Variants in FAM120A observed in about 807,000 individuals in gnomAD.
The protein encoded by FAM120A is family with sequence similarity 120 member A.
In FAM120A, 15 loss-of-function variants were observed where a neutral mutation model predicts 109.7. The observed-to-expected ratio is 0.14, with a 90% CI of 0.09 to 0.21. The LOEUF (loss-of-function observed/expected upper bound fraction) is 0.21. Ranked by LOEUF, FAM120A falls within the 10% of genes least tolerant of loss-of-function variation. FAM120A has a pLI of 1.00. For synonymous variants in FAM120A, 493 were observed against 572.8 expected (o/e 0.86, Z 1.99); for missense variants, 899 against 1,439.3 (o/e 0.62, Z 6.07).
At position 93,505,847 on chromosome 9, in the gene FAM120A, A is replaced by G. The variant is rs940347601; in HGVS notation, c.1030+6961A>G. Among the ~76,000 whole-genome samples, 3 of 152,218 alleles carry G rather than the reference A, an allele frequency of 2.0e-5. 1 individual carries two copies. Among genetic ancestry groups the G allele is most frequent in the Admixed American group, 2.0e-4 (3 of 15,286 alleles). ...AAACACTTTGTCTTCTAAAAGTTTTATTTATGATTTTGCCCTTTGATACTA... is the reference window on the plus strand; with the variant it reads ...AAACACTTTGTCTTCTAAAAGTTTTGTTTATGATTTTGCCCTTTGATACTA... On this transcript the variant is annotated intron_variant, in intron 5 of 17. Transcript: ENST00000277165.
chr9:93,534,377 G>A (rs1240159669), intron 10 of FAM120A, among the ~76,000 whole-genome samples: 1 of 152,122 alleles, frequency 6.6e-6, no homozygotes, highest in African/African-American at 2.4e-5. Flanking sequence ...TCACAGGAAT[G>A]GAGCCATCCT....
At chr9:93,545,780 C>CTTTTTTTTTTTTTTTT (rs774150537) in intron 11 of FAM120A, among the ~76,000 whole-genome samples, 746 of 65,496 alleles carry the variant, frequency 0.011, 100 homozygotes, top group Non-Finnish European at 0.016. Context: ...GGAAAGACTC[C>CTTTTTTTTTTTTTTTT]TTTTTTTTTT....
chr9:93,506,442 G>A (rs1015794231), intron 5 of FAM120A, among the ~76,000 whole-genome samples: 15 of 152,024 alleles, frequency 9.9e-5, no homozygotes, highest in Non-Finnish European at 2.1e-4. Flanking sequence ...AATTAATACT[G>A]TAAGTTGATT....
chr9:93,462,129 A>T (rs1373101465), intron 1 of FAM120A, among the ~76,000 whole-genome samples: 1 of 152,234 alleles, frequency 6.6e-6, no homozygotes, highest in Non-Finnish European at 1.5e-5. Context: ...ACAAGTAGGA[A>T]GTTAATTTTG....
intron 10 of FAM120A, among the ~76,000 whole-genome samples, chr9:93,540,974 T>C (rs749418076): frequency 1.1e-4 from 17 of 152,096 alleles, no homozygotes; most frequent in Non-Finnish European, 2.4e-4. Context: ...TTAGTAAGAA[T>C]GCCTCTCTTT....
chr9:93,499,368 A>C (rs1270998601), intron 5 of FAM120A, among the ~76,000 whole-genome samples: 1 of 149,894 alleles, frequency 6.7e-6, no homozygotes, highest in South Asian at 2.1e-4. Flanking sequence ...GCTCACTGCA[A>C]CCTCTACCTC....
intron 2 of FAM120A, among the ~76,000 whole-genome samples, chr9:93,473,624 A>T (rs1183548872): frequency 6.6e-6 from 1 of 152,090 alleles, no homozygotes; most frequent in African/African-American, 2.4e-5. Context: ...ATAATTTTTT[A>T]TATGTTATTT....
intron 5 of FAM120A, among the ~76,000 whole-genome samples, chr9:93,502,785 T>G (rs1172521653): frequency 6.6e-6 from 1 of 152,250 alleles, no homozygotes; most frequent in Non-Finnish European, 1.5e-5. Flanking sequence ...GCTATAGCTC[T>G]CCACGAAATC....
At chr9:93,472,232 C>G (rs1274203519) in intron 2 of FAM120A, among the ~76,000 whole-genome samples, 1 of 151,868 alleles carries the variant, frequency 6.6e-6, no homozygotes, top group Non-Finnish European at 1.5e-5. Context: ...TGCACTCCAG[C>G]CTGGGAGACA....
Position 93,452,443 on chromosome 9 carries a change from C to G in FAM120A, c.474+54C>G, listed in dbSNP as rs776773791. 38 of 1,560,072 alleles carry G rather than the reference C, an allele frequency of 2.4e-5. No individual in the cohort carries two copies. The highest frequency in any genetic ancestry group is 3.2e-5 in the Non-Finnish European group (37 of 1,155,220). ...GACCGGGGCCGCGCCGCACCCCTAT[C>G]CCCCTTCCCAGGGCGCAGAATGTCG... On this transcript the variant is annotated intron_variant, in intron 1 of 17. Transcript: ENST00000277165. The surrounding 1 kb of genome is among the most constrained non-coding windows in gnomAD (Gnocchi z 7.0).
At chr9:93,490,510 G>A (rs1302196075) in intron 3 of FAM120A, among the ~76,000 whole-genome samples, 1 of 152,160 alleles carries the variant, frequency 6.6e-6, no homozygotes, top group Non-Finnish European at 1.5e-5. Flanking sequence ...GGATTTTATT[G>A]AATCATTTGA....
At chr9:93,464,882 A>G (rs948241319) in intron 1 of FAM120A, among the ~76,000 whole-genome samples, 3 of 152,240 alleles carry the variant, frequency 2.0e-5, no homozygotes, top group African/African-American at 7.2e-5. Context: ...GTTCAAAATC[A>G]AATAATCTGA....
intron 3 of FAM120A, among the ~76,000 whole-genome samples, chr9:93,492,705 T>A (rs747674421): frequency 3.3e-5 from 5 of 151,854 alleles, no homozygotes; most frequent in Admixed American, 2.6e-4. Context: ...GGCAGCTGCA[T>A]GGTCAGCAAA....
chr9:93,492,176 G>A (rs899577157), intron 3 of FAM120A, among the ~76,000 whole-genome samples: 1 of 150,096 alleles, frequency 6.7e-6, no homozygotes, highest in Non-Finnish European at 1.5e-5. Context: ...GTGTGTGTGT[G>A]TGTGTATATA....
At chr9:93,494,195 T>G (rs888092667) in intron 3 of FAM120A, among the ~76,000 whole-genome samples, 1 of 152,196 alleles carries the variant, frequency 6.6e-6, no homozygotes, top group African/African-American at 2.4e-5. Flanking sequence ...CAGAGAGGCC[T>G]CTCGCCAATC....
chr9:93,490,055 G>T (rs1183923920), intron 3 of FAM120A, among the ~76,000 whole-genome samples: 1 of 152,198 alleles, frequency 6.6e-6, no homozygotes, highest in Non-Finnish European at 1.5e-5. Context: ...AGAGTTTCTC[G>T]AAGTCAGGAA....
At chr9:93,542,984 G>A (rs1338870528) in intron 10 of FAM120A, among the ~76,000 whole-genome samples, 1 of 152,118 alleles carries the variant, frequency 6.6e-6, no homozygotes, top group Non-Finnish European at 1.5e-5. Flanking sequence ...TGATTTGATT[G>A]GATGAAACTT....
chr9:93,453,929 A>G (rs1857424659), intron 1 of FAM120A, among the ~76,000 whole-genome samples: 1 of 152,208 alleles, frequency 6.6e-6, no homozygotes, highest in African/African-American at 2.4e-5. Flanking sequence ...ACAGCTCTCT[A>G]CTTAACTAGT....
At chr9:93,555,623 TC>T (rs748259592) in intron 12 of FAM120A, among the ~76,000 whole-genome samples, 58 of 152,222 alleles carry the variant, frequency 3.8e-4, no homozygotes, top group Non-Finnish European at 6.2e-4. Flanking sequence ...TTGACTGTAC[TC>T]GTGTTAATGT....
Sources: allele counts gnomAD v4.1 joint callset (sites outside exome capture counted in the v4.1 genomes callset), GRCh38; gene constraint gnomAD v4.1.1; non-coding constraint Gnocchi (gnomAD v3.1); transcripts MANE v1.5; gene names NCBI Gene and HGNC (gene_info 2026-07-23, HGNC 2026-07-21).